The following BACH2 variants were observed in gnomAD, a reference collection of about 807,000 sequenced individuals.
The protein encoded by BACH2 is BACH transcriptional regulator 2, also known as transcription regulator protein BACH2.
BACH2 carries 5 observed loss-of-function variants against 61.8 expected under a neutral mutation model. The observed-to-expected ratio is 0.08, with a 90% CI of 0.04 to 0.17. BACH2 has a LOEUF of 0.17. Ranked by LOEUF, BACH2 falls within the 10% of genes least tolerant of loss-of-function variation. The probability of loss-of-function intolerance (pLI) is 1.00; values close to 1 mark genes in which losing one functional copy is unlikely to be tolerated. For missense variants in BACH2, 824 were observed against 1,091.1 expected (o/e 0.76, Z 3.45); for synonymous variants, 446 against 440.1 (o/e 1.01, Z -0.17).
chr6:90,246,620 C>A (rs1770647703), intron 3 of BACH2, among the ~76,000 whole-genome samples: 1 of 151,762 alleles, frequency 6.6e-6, no homozygotes, highest in African/African-American at 2.4e-5. Context: ...GTAGAATTAC[C>A]CCCAATTCAA....
intron 3 of BACH2, among the ~76,000 whole-genome samples, chr6:90,249,569 G>A (rs1267355558): frequency 1.3e-5 from 2 of 152,110 alleles, no homozygotes; most frequent in Non-Finnish European, 2.9e-5. Flanking sequence ...CCAGGAGTTC[G>A]AGACCAGCCT....
At chr6:90,062,102 T>C (rs1325675660) in intron 5 of BACH2, among the ~76,000 whole-genome samples, 2 of 151,580 alleles carry the variant, frequency 1.3e-5, no homozygotes, top group Non-Finnish European at 2.9e-5. Flanking sequence ...AGAAAGGGAA[T>C]ATTTTCAGGG....
In BACH2 at chr6:89,995,566, GAA is replaced by G. The variant is rs1405088487; in HGVS notation, c.243+13034_243+13035del. Among the ~76,000 whole-genome samples the G allele has an allele frequency of 2.6e-5, 4 of 152,184 alleles. No homozygotes were observed. In the East Asian group the frequency reaches 7.7e-4, roughly 29 times the overall value. ...AGTTCTGACTTATCGCTTGTGACAA[GAA>G]AAGAGTGTGTGTGATGTTACTTTGT... On this transcript the variant is annotated intron_variant, in intron 6 of 8. Coordinates refer to ENST00000257749, the MANE Select transcript of BACH2 (RefSeq NM_021813.4).
intron 5 of BACH2, among the ~76,000 whole-genome samples, chr6:90,082,430 T>C (rs1003881303): frequency 6.6e-6 from 1 of 152,128 alleles, no homozygotes; most frequent in Non-Finnish European, 1.5e-5. Flanking sequence ...TAAGAGCTGA[T>C]TAATATAATT....
intron 5 of BACH2, among the ~76,000 whole-genome samples, chr6:90,024,217 CCTT>C (rs763411934): frequency 1.4e-4 from 21 of 152,122 alleles, no homozygotes; most frequent in Non-Finnish European, 2.9e-4. Context: ...TTGAGCACCT[CCTT>C]TAGGTTCTGT....
intron 6 of BACH2, among the ~76,000 whole-genome samples, chr6:90,000,212 C>A (rs1038804094): frequency 6.6e-6 from 1 of 152,188 alleles, no homozygotes; most frequent in Non-Finnish European, 1.5e-5. Context: ...CTTTCTGTGG[C>A]GCTGCCTTAC....
At chr6:90,019,335 C>T (rs984258599) in intron 5 of BACH2, among the ~76,000 whole-genome samples, 1 of 151,964 alleles carries the variant, frequency 6.6e-6, no homozygotes, top group Non-Finnish European at 1.5e-5. Flanking sequence ...TTTAATGAAA[C>T]ATGAAATGAA....
intron 4 of BACH2, among the ~76,000 whole-genome samples, chr6:90,173,670 C>T (rs556907097): frequency 5.3e-5 from 8 of 152,102 alleles, no homozygotes; most frequent in South Asian, 4.2e-4. Context: ...TAATGCCAGA[C>T]GTGAGGGAAG....
chr6:90,096,008 C>T (rs1369278546), intron 4 of BACH2, among the ~76,000 whole-genome samples: 1 of 152,206 alleles, frequency 6.6e-6, no homozygotes, highest in Non-Finnish European at 1.5e-5. Flanking sequence ...CTGTACAACA[C>T]TGCCTTCCTC....
At chr6:89,994,534 G>A (rs1254142021) in intron 6 of BACH2, among the ~76,000 whole-genome samples, 1 of 152,162 alleles carries the variant, frequency 6.6e-6, no homozygotes, top group African/African-American at 2.4e-5. Context: ...AGCCCATTCA[G>A]CCAAAGTTTA....
intron 5 of BACH2, among the ~76,000 whole-genome samples, chr6:90,051,824 A>G (rs1582269236): frequency 6.6e-6 from 1 of 152,186 alleles, no homozygotes; most frequent in African/African-American, 2.4e-5. Flanking sequence ...TAAGAAAAAC[A>G]CTTGAGACTA....
At chr6:90,140,832 G>T (rs111466512) in intron 4 of BACH2, among the ~76,000 whole-genome samples, 2,016 of 152,258 alleles carry the variant, frequency 0.013, 52 homozygotes, top group African/African-American at 0.047. Context: ...CCTGGTTGGT[G>T]CGACCTGGCA....
chr6:89,938,127 T>C lies in BACH2; in HGVS notation c.2043+17A>G, dbSNP rs1773140752. The C allele has an allele frequency of 8.7e-6, 14 of 1,608,980 alleles. No individual in the cohort carries two copies. Among genetic ancestry groups the C allele is most frequent in the Non-Finnish European group, 1.2e-5 (14 of 1,175,462 alleles). On this transcript the variant is annotated intron_variant, in intron 8 of 8. Coordinates refer to ENST00000257749, the MANE Select transcript of BACH2 (RefSeq NM_021813.4). ...GGTCACTTCAGGTTGCTGATCACAA[T>C]GGATGGGTCAACTCACCAATTTGCG... is the stretch of plus-strand genomic sequence containing the variant.
intron 2 of BACH2, among the ~76,000 whole-genome samples, chr6:90,263,381 TA>T (rs1771226799): frequency 1.3e-5 from 2 of 152,230 alleles, no homozygotes; most frequent in African/African-American, 4.8e-5. Context: ...ATAGCTTTTT[TA>T]AAAAATTTGA....
chr6:90,214,025 T>C (rs1562508375), intron 3 of BACH2, among the ~76,000 whole-genome samples: 1 of 152,224 alleles, frequency 6.6e-6, no homozygotes, highest in South Asian at 2.1e-4. Context: ...ATTTGGGTAC[T>C]ACTGGTGACA....
intron 4 of BACH2, among the ~76,000 whole-genome samples, chr6:90,196,144 C>G (rs1478937451): frequency 6.7e-6 from 1 of 150,084 alleles, no homozygotes; most frequent in Non-Finnish European, 1.5e-5. Flanking sequence ...TTTTTTTAAT[C>G]TCCATTTCAT....
chr6:90,142,255 C>CA (rs1287272529), intron 4 of BACH2, among the ~76,000 whole-genome samples: 2 of 152,136 alleles, frequency 1.3e-5, no homozygotes, highest in African/African-American at 2.4e-5. Context: ...CCATTTCCAT[C>CA]ATATTAAGAA....
intron 2 of BACH2, among the ~76,000 whole-genome samples, chr6:90,265,283 C>T (rs2127877787): frequency 6.6e-6 from 1 of 152,184 alleles, no homozygotes. Flanking sequence ...CCCATTTGCT[C>T]TAAAATAGAA....
At chr6:89,966,625 T>C (rs900421672) in intron 6 of BACH2, among the ~76,000 whole-genome samples, 2 of 152,194 alleles carry the variant, frequency 1.3e-5, no homozygotes, top group Non-Finnish European at 2.9e-5. Context: ...TTTGAATCTT[T>C]TCTATATGTT....
Sources: allele counts gnomAD v4.1 joint callset (sites outside exome capture counted in the v4.1 genomes callset), GRCh38; gene constraint gnomAD v4.1.1; transcripts MANE v1.5; gene names NCBI Gene and HGNC (gene_info 2026-07-23, HGNC 2026-07-21).